Variants in EAF2 observed in about 807,000 individuals in gnomAD.
EAF2 encodes ELL-associated factor 2.
In EAF2, 29 loss-of-function variants were observed where a neutral mutation model predicts 29.4. The ratio of observed to expected loss-of-function variants is 0.99; its 90% CI spans 0.73 to 1.35. The LOEUF (loss-of-function observed/expected upper bound fraction) is 1.35. Ranked by LOEUF, EAF2 falls within the 40% of genes most tolerant of loss-of-function variation. The pLI is 0.00. For synonymous variants in EAF2, 103 were observed against 102.5 expected, an observed-to-expected ratio of 1.00 and a Z score of -0.03; for missense variants, 292 against 312.0, an observed-to-expected ratio of 0.94 and a Z score of 0.48.
intron 5 of EAF2, among the ~76,000 whole-genome samples, chr3:121,874,391 G>C (rs534600894): frequency 6.6e-6 from 1 of 151,838 alleles, no homozygotes; most frequent in South Asian, 2.1e-4. Context: ...TTTTTGAATG[G>C]CCAAGAGAAC....
intron 4 of EAF2, among the ~76,000 whole-genome samples, chr3:121,860,502 G>GA (rs1223917677): frequency 6.6e-6 from 1 of 152,108 alleles, no homozygotes; most frequent in African/African-American, 2.4e-5. Flanking sequence ...ATTTCTGTGG[G>GA]ATCAGTGGTG....
intron 5 of EAF2, among the ~76,000 whole-genome samples, chr3:121,879,211 G>A (rs1015687882): frequency 2.0e-5 from 3 of 151,896 alleles, no homozygotes; most frequent in East Asian, 1.9e-4. Flanking sequence ...GTTTATTTGC[G>A]CATTTTTAAT....
intron 5 of EAF2, among the ~76,000 whole-genome samples, chr3:121,883,270 G>A (rs997178789): frequency 1.2e-4 from 18 of 152,144 alleles, no homozygotes; most frequent in African/African-American, 2.4e-4. Context: ...AAAAAATTGC[G>A]TCTACAGCTG....
At chr3:121,844,913 G>A (rs537288191) in intron 2 of EAF2, among the ~76,000 whole-genome samples, 2 of 152,232 alleles carry the variant, frequency 1.3e-5, no homozygotes, top group South Asian at 4.1e-4. Context: ...ATAAGTTAGA[G>A]CATATATGAA....
intron 4 of EAF2, among the ~76,000 whole-genome samples, chr3:121,867,208 G>A (rs952743728): frequency 2.0e-5 from 3 of 152,178 alleles, no homozygotes; most frequent in Non-Finnish European, 4.4e-5. Flanking sequence ...AAAGAAGAGG[G>A]AGAGCAGGGT....
At chr3:121,865,566 G>A (rs1344130941) in intron 4 of EAF2, among the ~76,000 whole-genome samples, 1 of 152,074 alleles carries the variant, frequency 6.6e-6, no homozygotes, top group Non-Finnish European at 1.5e-5. Context: ...TAGAGGCTAG[G>A]TGCAGTGGCT....
intron 5 of EAF2, among the ~76,000 whole-genome samples, chr3:121,882,778 G>A (rs560050824): frequency 6.4e-5 from 8 of 125,052 alleles, no homozygotes; most frequent in Middle Eastern, 3.9e-3. Flanking sequence ...AACCACTTGG[G>A]AGGTGGTGGT....
intron 2 of EAF2, among the ~76,000 whole-genome samples, chr3:121,845,551 T>C (rs1158112679): frequency 6.6e-6 from 1 of 151,876 alleles, no homozygotes; most frequent in Non-Finnish European, 1.5e-5. Flanking sequence ...ATATTTTATG[T>C]TGTAATGTAG....
intron 4 of EAF2, among the ~76,000 whole-genome samples, chr3:121,869,462 G>A (rs1708975943): frequency 6.6e-6 from 1 of 152,124 alleles, no homozygotes; most frequent in African/African-American, 2.4e-5. Flanking sequence ...TAGTAAGATT[G>A]ATAAAAATGA....
At chr3:121,876,603 G>A (rs1709100772) in intron 5 of EAF2, among the ~76,000 whole-genome samples, 1 of 151,910 alleles carries the variant, frequency 6.6e-6, no homozygotes, top group Admixed American at 6.6e-5. Context: ...GTTGCTGAGA[G>A]AGTATTCAAT....
intron 1 of EAF2, 122 bp downstream of exon 1, chr3:121,835,513 A>G: frequency 1.2e-6 from 1 of 847,798 alleles, no homozygotes; most frequent in Non-Finnish European, 1.9e-6. Flanking sequence ...CGGGGCGGGG[A>G]GGGGGGAGGC....
intron 5 of EAF2, among the ~76,000 whole-genome samples, chr3:121,879,724 A>G (rs763571889): frequency 2.0e-5 from 3 of 151,274 alleles, no homozygotes; most frequent in African/African-American, 7.3e-5. Flanking sequence ...TCAATTGACT[A>G]TAAATATGTG....
chr3:121,885,332 A>T (rs1051678604), intron 5 of EAF2, among the ~76,000 whole-genome samples: 2 of 152,278 alleles, frequency 1.3e-5, no homozygotes, highest in South Asian at 4.1e-4. Flanking sequence ...CAAAGCCAAC[A>T]TTATTTCTTA....
chr3:121,884,357 A>AT (rs1709243902), intron 5 of EAF2, among the ~76,000 whole-genome samples: 1 of 150,786 alleles, frequency 6.6e-6, no homozygotes, highest in Admixed American at 6.6e-5. Flanking sequence ...AAAAAAAAAA[A>AT]GAAATGAAAG....
chr3:121,872,591 C>T lies in EAF2; in HGVS notation c.539C>T (p.Ser180Leu). The change falls in exon 5 of 6, where the codon TCA becomes TTA. Residue 180 changes from serine (S) to leucine (L), a missense_variant. Transcript: ENST00000273668. ...CAGATGAGTAGTTGTGATAGTTCAT[C>T]AGATTCCAAAAGTTCATCATCTTCA... ...MDQMSSCDSS[S>L]DSKSSSSSSS... The T allele has an allele frequency of 6.2e-7, 1 of 1,612,690 alleles. No homozygotes were observed. The highest frequency in any genetic ancestry group is 1.3e-5 in the African/African-American group (1 of 74,952).
chr3:121,876,887 CAGTAATAACAAAAGCAA>C (rs1272767048), intron 5 of EAF2, among the ~76,000 whole-genome samples: 1 of 151,672 alleles, frequency 6.6e-6, no homozygotes, highest in African/African-American at 2.4e-5. Context: ...CTCAGTATAT[CAGTAATAACAAAAGCAA>C]AGCATTATAT....
At chr3:121,884,188 A>T in intron 5 of EAF2, among the ~76,000 whole-genome samples, 1 of 151,664 alleles carries the variant, frequency 6.6e-6, no homozygotes, top group African/African-American at 2.4e-5. Context: ...AAATACAAAA[A>T]AATTAGCCAG....
intron 4 of EAF2, 61 bp downstream of exon 4, chr3:121,857,217 G>T: frequency 6.8e-7 from 1 of 1,461,714 alleles, no homozygotes; most frequent in East Asian, 2.4e-5. Flanking sequence ...GTTAAGGCCA[G>T]GCATGGTGGC....
intron 5 of EAF2, among the ~76,000 whole-genome samples, chr3:121,877,089 G>A (rs35178434): frequency 0.37 from 56,316 of 151,598 alleles, 11,138 homozygotes; most frequent in East Asian, 0.71. Context: ...ACACTTTAAG[G>A]CAAAATGTAC....
Sources: gnomAD v4.1 joint callset for allele counts (sites outside exome capture counted in the v4.1 genomes callset) on GRCh38, gnomAD v4.1.1 for gene constraint, MANE v1.5 for transcripts, NCBI Gene and HGNC (gene_info 2026-07-23, HGNC 2026-07-21) for gene names.